Variants in NRG2 observed in about 807,000 individuals in gnomAD.
NRG2 encodes the protein pro-neuregulin-2, membrane-bound isoform.
In NRG2, 27 loss-of-function variants were observed where a neutral mutation model predicts 73.9. The ratio of observed to expected loss-of-function variants is 0.37; its 90% CI spans 0.27 to 0.50. The LOEUF is 0.50. Ranked by LOEUF, NRG2 falls within the 20% of genes least tolerant of loss-of-function variation. The pLI is 0.96. For missense variants in NRG2, 1,126 were observed against 1,210.1 expected (o/e 0.93, Z 1.03); for synonymous variants, 532 against 541.0 (o/e 0.98, Z 0.23).
intron 1 of NRG2, among the ~76,000 whole-genome samples, chr5:140,025,721 C>T (rs959872124): frequency 5.3e-5 from 8 of 152,168 alleles, no homozygotes; most frequent in African/African-American, 1.9e-4. Flanking sequence ...TCCCAATGGC[C>T]AGTTTTAATT....
chr5:139,847,926 C>T lies in NRG2; in HGVS notation c.2544G>A (p.Ala848=). The T allele has an allele frequency of 2.0e-6, 3 of 1,487,698 alleles. No individual in the cohort carries two copies. Among genetic ancestry groups the T allele is most frequent in the Non-Finnish European group, 2.7e-6 (3 of 1,124,810 alleles). 92.2% of individuals were successfully genotyped at this position (1,487,698 alleles called of 1,614,324 possible). A position where few individuals can be genotyped will look rare whatever the true frequency, so the allele number is the denominator to read the frequency against. The change falls in exon 10 of 10, where the codon GCG becomes GCA. Residue 848 remains alanine, a synonymous_variant. Transcript: ENST00000361474. The part of the protein sequence containing the change: ...GPPPRAKQDS[A]PL ...GGCGCGCGGCGGGGCCCTAGAGTGG[C>T]GCCGAGTCCTGCTTGGCCCGCGGGG... is the stretch of plus-strand genomic sequence containing the variant.
intron 1 of NRG2, among the ~76,000 whole-genome samples, chr5:139,970,762 A>G (rs1755905528): frequency 1.3e-5 from 2 of 152,220 alleles, no homozygotes; most frequent in African/African-American, 4.8e-5. Flanking sequence ...GAGAGTGCTC[A>G]TGACTGGGAT....
At chr5:139,921,125 T>C (rs1165365302) in intron 1 of NRG2, among the ~76,000 whole-genome samples, 1 of 152,230 alleles carries the variant, frequency 6.6e-6, no homozygotes, top group Non-Finnish European at 1.5e-5. Context: ...AGATATTCCA[T>C]GTTCATAGAC....
rs1761414705 is a variant in NRG2, at chr5:139,851,527, G to T, written c.1772+77C>A. Reference sequence around the variant, plus strand: ...AGGCTCTTTGGAGTGTTTCTGAGGGGCCCTAAGGGTCAGCCTTGGGCCAGT... The same window carrying T: ...AGGCTCTTTGGAGTGTTTCTGAGGGTCCCTAAGGGTCAGCCTTGGGCCAGT... On this transcript the variant is annotated intron_variant, in intron 9 of 9. Transcript: ENST00000361474. The surrounding 1 kb of genome is among the most constrained non-coding windows in gnomAD (Gnocchi z 4.2). The T allele has an allele frequency of 1.5e-6, 2 of 1,372,264 alleles. No homozygotes were observed. Among genetic ancestry groups the T allele is most frequent in the Non-Finnish European group, 2.1e-6 (2 of 974,646 alleles). The allele number at this position is 1,372,264 out of a possible 1,614,324, so 85.0% of individuals were successfully genotyped here.
rs548404398 is a variant in NRG2, at chr5:139,904,511, C to G, written c.701-17000G>C. 3 of 564,968 alleles carry G rather than the reference C, an allele frequency of 5.3e-6. No individual in the cohort carries two copies. Among genetic ancestry groups the G allele is most frequent in the Non-Finnish European group, 9.2e-6 (3 of 327,660 alleles). 35.0% of individuals were successfully genotyped at this position (564,968 alleles called of 1,614,324 possible). On this transcript the variant is annotated intron_variant, in intron 1 of 9. Transcript: ENST00000361474. This position sits in a 1 kb window ranked among gnomAD's most constrained non-coding sequence, Gnocchi z 6.0. The stretch of plus-strand genomic sequence containing the variant: ...GGCGCCTTTCTTATAGGCGGTCACA[C>G]CCTCCGGGGGAGGGGAGCAGCGAGC...
chr5:139,877,522 G>A (rs904129969), intron 3 of NRG2, among the ~76,000 whole-genome samples: 1 of 152,230 alleles, frequency 6.6e-6, no homozygotes, highest in African/African-American at 2.4e-5. Context: ...CAGGTCTCAT[G>A]GGTTCTGTGG....
intron 1 of NRG2, among the ~76,000 whole-genome samples, chr5:139,971,009 G>A (rs775139609): frequency 6.6e-6 from 1 of 151,836 alleles, no homozygotes; most frequent in Non-Finnish European, 1.5e-5. Flanking sequence ...CTTCTTAGAA[G>A]GGAACACAGT....
chr5:139,889,829 C>A (rs1764093042), intron 1 of NRG2, among the ~76,000 whole-genome samples: 1 of 152,194 alleles, frequency 6.6e-6, no homozygotes, highest in South Asian at 2.1e-4. Context: ...TGCGCCTCAA[C>A]TTCCACAGCT....
chr5:139,938,913 G>GAAAGAAAGAA (rs1189321374), intron 1 of NRG2, among the ~76,000 whole-genome samples: 3 of 73,126 alleles, frequency 4.1e-5, no homozygotes, highest in Admixed American at 1.5e-4. Context: ...AGAAAAGAAA[G>GAAAGAAAGAA]AAAGAAAGAA....
rs1368942808 is a variant in NRG2 at position 139,851,864 on chromosome 5, C to T, written c.1545-33G>A. 1.3e-6 allele frequency: 2 copies of T among 1,595,498 alleles called. No homozygotes were observed. The highest frequency in any genetic ancestry group is 2.7e-5 in the African/African-American group (2 of 74,550). ...GGCCAGATGGGGTGAGACGAGGGGT[C>T]AGGAAGGGGCAGGGCGGCCCAGCAG... is the stretch of plus-strand genomic sequence containing the variant. On this transcript the variant is annotated intron_variant, in intron 8 of 9. Transcript: ENST00000361474. This position sits in a 1 kb window ranked among gnomAD's most constrained non-coding sequence, Gnocchi z 4.2.
In NRG2 at chr5:139,992,918, G is replaced by A. The variant is rs965341843; in HGVS notation, c.700+49452C>T. Reference sequence around the variant, plus strand: ...CATGAATCTTAAACACCATGGTTTGGTTTTGCCTAATTTTTAGTATGTCTT... The same window carrying A: ...CATGAATCTTAAACACCATGGTTTGATTTTGCCTAATTTTTAGTATGTCTT... On this transcript the variant is annotated intron_variant, in intron 1 of 9. Coordinates refer to ENST00000361474, the MANE Select transcript of NRG2 (RefSeq NM_004883.3). Among the ~76,000 whole-genome samples the A allele has an allele frequency of 1.1e-4, 16 of 151,576 alleles. No individual in the cohort carries two copies. In the East Asian group the frequency reaches 2.9e-3, roughly 27 times the overall value.
At chr5:140,004,731 C>T (rs1366734041) in intron 1 of NRG2, among the ~76,000 whole-genome samples, 1 of 152,114 alleles carries the variant, frequency 6.6e-6, no homozygotes, top group African/African-American at 2.4e-5. Flanking sequence ...TGACTATATG[C>T]AACGTGGGAT....
intron 1 of NRG2, among the ~76,000 whole-genome samples, chr5:139,933,595 GC>G (rs917171423): frequency 6.6e-6 from 1 of 151,868 alleles, no homozygotes; most frequent in Non-Finnish European, 1.5e-5. Context: ...ATTATATGAA[GC>G]AAAAAGTGAC....
At chr5:139,903,899 G>A (rs1765043724) in intron 1 of NRG2, among the ~76,000 whole-genome samples, 1 of 152,234 alleles carries the variant, frequency 6.6e-6, no homozygotes, top group African/African-American at 2.4e-5. Flanking sequence ...CGATCTCTCC[G>A]AGGAAGGGAA....
rs925383571 is a variant in NRG2 at position 139,846,794 on chromosome 5, T to C, written c.*1123A>G. The C allele has an allele frequency of 2.0e-5, 3 of 152,242 alleles. No individual in the cohort carries two copies. The highest frequency in any genetic ancestry group is 4.4e-5 in the Non-Finnish European group (3 of 68,046). The allele number at this position is 152,242 out of a possible 1,614,324, so 9.4% of individuals were successfully genotyped here. ...CACACAGTCAAACAGGAGTTATTTC[T>C]GATTTTATTTATAATATAAAAATGT... is the stretch of plus-strand genomic sequence containing the variant. On this transcript the variant is annotated 3_prime_UTR_variant, in exon 10 of 10. Coordinates refer to ENST00000361474, the MANE Select transcript of NRG2 (RefSeq NM_004883.3).
intron 1 of NRG2, among the ~76,000 whole-genome samples, chr5:139,901,061 T>C (rs1764856700): frequency 6.6e-6 from 1 of 152,218 alleles, no homozygotes; most frequent in Admixed American, 6.5e-5. Flanking sequence ...CTAAAGCCAG[T>C]AGTCCAATTT....
chr5:139,948,917 T>A (rs1038764836), intron 1 of NRG2, among the ~76,000 whole-genome samples: 1 of 151,928 alleles, frequency 6.6e-6, no homozygotes, highest in East Asian at 1.9e-4. Context: ...AGAGTCAAGA[T>A]TCCCTCGGCA....
chr5:139,901,149 G>A (rs1764864796), intron 1 of NRG2, among the ~76,000 whole-genome samples: 1 of 152,226 alleles, frequency 6.6e-6, no homozygotes, highest in Non-Finnish European at 1.5e-5. Flanking sequence ...CTGTACCGCT[G>A]TGCCAATCTG....
At position 139,985,681 on chromosome 5, in the gene NRG2, A is replaced by T. The variant is rs149772952; in HGVS notation, c.700+56689T>A. 8.5e-4 allele frequency among the ~76,000 whole-genome samples: 130 copies of T among 152,336 alleles called. 2 individuals carry two copies. The highest frequency in any genetic ancestry group is 8.3e-3 in the South Asian group (40 of 4,820). On this transcript the variant is annotated intron_variant, in intron 1 of 9. Transcript: ENST00000361474. ...GTTTACGGACCTTTTGAAGCTAACC[A>T]TAGGTCCCAGGCTTCCCAATCTCAG...
Sources: allele counts gnomAD v4.1 joint callset (sites outside exome capture counted in the v4.1 genomes callset), GRCh38; gene constraint gnomAD v4.1.1; non-coding constraint Gnocchi (gnomAD v3.1); transcripts MANE v1.5; gene names NCBI Gene and HGNC (gene_info 2026-07-23, HGNC 2026-07-21).